The following DIP2C variants were observed in gnomAD, a reference collection of about 807,000 sequenced individuals.
The protein encoded by DIP2C is disco-interacting protein 2 homolog C.
DIP2C carries 33 observed loss-of-function variants against 192.4 expected under a neutral mutation model. That is an observed-to-expected ratio of 0.17 (90% CI 0.13 to 0.23). The LOEUF (loss-of-function observed/expected upper bound fraction) is 0.23, where lower values mean the gene tolerates loss of function less well. DIP2C is among the 10% of genes least tolerant of loss of function. The pLI is 1.00. For synonymous variants in DIP2C, 979 were observed against 864.1 expected, an observed-to-expected ratio of 1.13 and a Z score of -2.33; for missense variants, 1,537 against 2,110.1, an observed-to-expected ratio of 0.73 and a Z score of 5.32.
intron 3 of DIP2C, among the ~76,000 whole-genome samples, chr10:453,944 C>T (rs974542405): frequency 2.0e-5 from 3 of 152,206 alleles, no homozygotes; most frequent in Non-Finnish European, 2.9e-5. Context: ...TGTGCACAGC[C>T]CTGAGACTAA....
intron 4 of DIP2C, among the ~76,000 whole-genome samples, chr10:431,291 T>A (rs902110251): frequency 2.6e-5 from 4 of 152,216 alleles, no homozygotes; most frequent in African/African-American, 9.7e-5. Flanking sequence ...GGAAAACATC[T>A]TGACAATATT....
Position 652,391 on chromosome 10 carries a change from G to T in DIP2C, c.85+37103C>A. On this transcript the variant is annotated intron_variant, in intron 1 of 36. Transcript: ENST00000280886. This position sits in a 1 kb window ranked among gnomAD's most constrained non-coding sequence, Gnocchi z 4.5. The stretch of plus-strand genomic sequence containing the variant: ...CCAGTCCCGGGGTGGGGTGGCGGGG[G>T]GGCGCACTGTGCACCCTCCCAGCTC... The T allele has an allele frequency of 5.8e-6, 1 of 173,514 alleles. No individual in the cohort carries two copies. The highest frequency in any genetic ancestry group is 9.7e-5 in the South Asian group (1 of 10,294). 10.7% of individuals were successfully genotyped at this position (173,514 alleles called of 1,614,324 possible).
chr10:507,940 A>G (rs1260542735), intron 1 of DIP2C, among the ~76,000 whole-genome samples: 1 of 152,196 alleles, frequency 6.6e-6, no homozygotes, highest in Non-Finnish European at 1.5e-5. Flanking sequence ...TCTTTTTCTG[A>G]AGACAGAGTC....
intron 1 of DIP2C, among the ~76,000 whole-genome samples, chr10:583,717 TAATAA>T (rs1339823163): frequency 2.0e-5 from 3 of 152,162 alleles, no homozygotes; most frequent in South Asian, 4.1e-4. Flanking sequence ...ATCCTCCTTG[TAATAA>T]AATAAAGAAC....
At chr10:375,881 T>A (rs534231869) in intron 17 of DIP2C, among the ~76,000 whole-genome samples, 20 of 145,378 alleles carry the variant, frequency 1.4e-4, no homozygotes, top group African/African-American at 4.6e-4. Context: ...TCATTTTTTT[T>A]ATCTTATACG....
intron 1 of DIP2C, among the ~76,000 whole-genome samples, chr10:558,280 G>A (rs990043389): frequency 6.6e-6 from 1 of 152,160 alleles, no homozygotes; most frequent in East Asian, 1.9e-4. Flanking sequence ...ACCTTCCTGA[G>A]GCCACACAGC....
At chr10:543,094 G>C (rs1848094890) in intron 1 of DIP2C, among the ~76,000 whole-genome samples, 2 of 152,230 alleles carry the variant, frequency 1.3e-5, no homozygotes, top group African/African-American at 4.8e-5. Context: ...TGCGGCTCTG[G>C]CAGCTTTGGT....
At chr10:297,652 G>A (rs1054738900) in intron 32 of DIP2C, among the ~76,000 whole-genome samples, 3 of 152,196 alleles carry the variant, frequency 2.0e-5, no homozygotes, top group African/African-American at 4.8e-5. Context: ...AAGTAGAACA[G>A]TGCATACTGG....
intron 3 of DIP2C, among the ~76,000 whole-genome samples, chr10:458,686 C>T (rs551307483): frequency 1.3e-5 from 2 of 152,016 alleles, no homozygotes; most frequent in African/African-American, 2.4e-5. Context: ...GCCTCACCAG[C>T]AGCGCATGGC....
chr10:342,163 CT>C lies in DIP2C; in HGVS notation c.3454-835del, dbSNP rs943038790. Among the ~76,000 whole-genome samples the C allele has an allele frequency of 1.2e-3, 177 of 148,818 alleles. 1 individual carries two copies. The highest frequency in any genetic ancestry group is 2.9e-3 in the African/African-American group (117 of 40,524). On this transcript the variant is annotated intron_variant, in intron 28 of 36. Coordinates refer to ENST00000280886, the MANE Select transcript of DIP2C (RefSeq NM_014974.3). ...GGTTCTCGTGTAACCCACTCTCTCT[CT>C]TTTTTTTTTTTTGAGATGGAGTCTT...
intron 17 of DIP2C, among the ~76,000 whole-genome samples, chr10:375,834 T>G (rs1268579580): frequency 6.6e-6 from 1 of 151,156 alleles, no homozygotes; most frequent in Non-Finnish European, 1.5e-5. Flanking sequence ...GCTCATCATT[T>G]GCTGAATCCC....
Position 636,724 on chromosome 10 carries a change from C to CGAGA in DIP2C, c.85+52766_85+52769dup, listed in dbSNP as rs746050996. Among the ~76,000 whole-genome samples the CGAGA allele has an allele frequency of 2.6e-5, 4 of 152,184 alleles. No homozygotes were observed. Among genetic ancestry groups the CGAGA allele is most frequent in the Non-Finnish European group, 5.9e-5 (4 of 68,036 alleles). On this transcript the variant is annotated intron_variant, in intron 1 of 36. Coordinates refer to ENST00000280886, the MANE Select transcript of DIP2C (RefSeq NM_014974.3). The surrounding 1 kb of genome is among the most constrained non-coding windows in gnomAD (Gnocchi z 4.6). ...ACACCCTTTATCTGTGATGACTTTT[C>CGAGA]GAGAGTCTGGGGCCAACGTCCTGCA...
At chr10:492,801 G>C (rs777017716) in intron 1 of DIP2C, among the ~76,000 whole-genome samples, 8 of 152,188 alleles carry the variant, frequency 5.3e-5, no homozygotes, top group Non-Finnish European at 1.2e-4. Context: ...ACTCCAGTTA[G>C]AAAGGGGATT....
rs764302365 is a variant in DIP2C at position 277,431 on chromosome 10, A to C, written c.4565T>G (p.Ile1522Ser). 15 of 1,613,976 alleles carry C rather than the reference A, an allele frequency of 9.3e-6. No homozygotes were observed. The highest frequency in any genetic ancestry group is 1.3e-5 in the African/African-American group (1 of 74,864). The stretch of plus-strand genomic sequence containing the variant: ...ACGGGAGTTGATGGGGATGACGCCG[A>C]TGTCCACCACGACCACCACTCCGAC... The part of the protein sequence containing the change: ...LIVGVVVVVD[I>S]GVIPINSRGE... Residue 1522 changes from isoleucine (I) to serine (S), a missense_variant, in exon 37 of 37, where the codon ATC becomes AGC. Ile to Ser is a moderately radical substitution (Grantham distance 142). Transcript: ENST00000280886.
chr10:686,290 C>T (rs1588771456), intron 1 of DIP2C, among the ~76,000 whole-genome samples: 1 of 151,980 alleles, frequency 6.6e-6, no homozygotes, highest in East Asian at 1.9e-4. Flanking sequence ...AGCCACAGGG[C>T]CTCCGCACCC....
chr10:565,402 GCAGAGT>G (rs979719263), intron 1 of DIP2C, among the ~76,000 whole-genome samples: 7 of 143,720 alleles, frequency 4.9e-5, no homozygotes, highest in Non-Finnish European at 7.4e-5. Flanking sequence ...ACCCCATAAT[GCAGAGT>G]CAAACTTTCA....
chr10:623,537 G>T (rs1854009696), intron 1 of DIP2C, among the ~76,000 whole-genome samples: 1 of 107,480 alleles, frequency 9.3e-6, no homozygotes, highest in Non-Finnish European at 2.0e-5. Context: ...GGGGAAGAGG[G>T]GAGGGATGCA....
At chr10:442,949 T>C (rs1251023211) in intron 3 of DIP2C, among the ~76,000 whole-genome samples, 1 of 152,254 alleles carries the variant, frequency 6.6e-6, no homozygotes, top group Non-Finnish European at 1.5e-5. Context: ...TTTTTGTTTC[T>C]TGAAATTGGA....
At chr10:298,370 T>C (rs575332538) in intron 32 of DIP2C, among the ~76,000 whole-genome samples, 11 of 152,324 alleles carry the variant, frequency 7.2e-5, no homozygotes, top group Non-Finnish European at 7.3e-5. Context: ...GCCCTTCCCA[T>C]GGCGTCATAT....
Sources: allele counts gnomAD v4.1 joint callset (sites outside exome capture counted in the v4.1 genomes callset), GRCh38; gene constraint gnomAD v4.1.1; non-coding constraint Gnocchi (gnomAD v3.1); transcripts MANE v1.5; gene names NCBI Gene and HGNC (gene_info 2026-07-23, HGNC 2026-07-21).